The following AGBL4 variants were observed in gnomAD, a reference collection of about 807,000 sequenced individuals.
The protein encoded by AGBL4 is cytosolic carboxypeptidase 6.
AGBL4 carries 58 observed loss-of-function variants against 66.4 expected under a neutral mutation model. That is an observed-to-expected ratio of 0.87 (90% CI 0.71 to 1.09). The LOEUF is 1.09. AGBL4 is among the 50% of genes least tolerant of loss of function. AGBL4 has a pLI of 0.00. For missense variants in AGBL4, 579 were observed against 631.0 expected (o/e 0.92, Z 0.88); for synonymous variants, 234 against 222.9 (o/e 1.05, Z -0.44).
At chr1:48,861,637 C>G (rs1647484970) in intron 6 of AGBL4, among the ~76,000 whole-genome samples, 3 of 152,206 alleles carry the variant, frequency 2.0e-5, no homozygotes. Flanking sequence ...GTTGCATCCT[C>G]TATATGGGAA....
At chr1:49,286,410 G>A (rs1300020987) in intron 3 of AGBL4, among the ~76,000 whole-genome samples, 3 of 151,976 alleles carry the variant, frequency 2.0e-5, no homozygotes, top group African/African-American at 7.3e-5. Context: ...TAGGAAAAGA[G>A]GAAGTCAAAT....
intron 5 of AGBL4, among the ~76,000 whole-genome samples, chr1:48,868,776 C>T (rs1648363602): frequency 6.6e-6 from 1 of 152,170 alleles, no homozygotes; most frequent in Non-Finnish European, 1.5e-5. Flanking sequence ...ATTGTATAAA[C>T]TGCTTCTGTT....
intron 3 of AGBL4, among the ~76,000 whole-genome samples, chr1:49,471,047 A>G (rs992632321): frequency 2.0e-5 from 3 of 152,046 alleles, no homozygotes; most frequent in Non-Finnish European, 4.4e-5. Context: ...ATGCTCACCT[A>G]TAAGAAATAA....
At chr1:48,809,952 GC>G (rs1165343794) in intron 6 of AGBL4, among the ~76,000 whole-genome samples, 1 of 152,120 alleles carries the variant, frequency 6.6e-6, no homozygotes, top group African/African-American at 2.4e-5. Flanking sequence ...TGGTATAAGA[GC>G]TAACCTATGC....
At chr1:49,095,000 A>G (rs1363905801) in intron 4 of AGBL4, among the ~76,000 whole-genome samples, 1 of 152,192 alleles carries the variant, frequency 6.6e-6, no homozygotes, top group African/African-American at 2.4e-5. Context: ...AGGATACAAA[A>G]TCAATGTGCA....
intron 2 of AGBL4, among the ~76,000 whole-genome samples, chr1:49,817,327 G>T (rs760302159): frequency 6.6e-6 from 1 of 152,272 alleles, no homozygotes; most frequent in Non-Finnish European, 1.5e-5. Context: ...AGATCATGCA[G>T]ACCCAGGCAT....
At chr1:49,453,628 T>C (rs1254027645) in intron 3 of AGBL4, among the ~76,000 whole-genome samples, 1 of 151,808 alleles carries the variant, frequency 6.6e-6, no homozygotes, top group Non-Finnish European at 1.5e-5. Flanking sequence ...AGTTTGACCA[T>C]AAATGAAACA....
At chr1:49,755,185 T>C (rs1558224852) in intron 2 of AGBL4, among the ~76,000 whole-genome samples, 2 of 152,198 alleles carry the variant, frequency 1.3e-5, no homozygotes, top group African/African-American at 4.8e-5. Flanking sequence ...CCTCTAATGG[T>C]CATATTATTG....
chr1:48,607,328 A>G (rs144028281), intron 9 of AGBL4, among the ~76,000 whole-genome samples: 27 of 152,278 alleles, frequency 1.8e-4, no homozygotes, highest in African/African-American at 6.3e-4. Flanking sequence ...TAGAAAGTCT[A>G]TTGAGCAGGC....
At chr1:49,905,981 T>TAA (rs1650233177) in intron 1 of AGBL4, among the ~76,000 whole-genome samples, 2 of 152,038 alleles carry the variant, frequency 1.3e-5, no homozygotes, top group Non-Finnish European at 2.9e-5. Context: ...TTCAGAATCC[T>TAA]ACCCCCTAGG....
At chr1:49,794,399 T>G (rs1383680846) in intron 2 of AGBL4, among the ~76,000 whole-genome samples, 1 of 151,944 alleles carries the variant, frequency 6.6e-6, no homozygotes, top group African/African-American at 2.4e-5. Context: ...ACCTATGCAA[T>G]TCATTTAAAA....
chr1:49,880,687 C>A (rs1299631109), intron 1 of AGBL4, among the ~76,000 whole-genome samples: 2 of 152,172 alleles, frequency 1.3e-5, no homozygotes, highest in African/African-American at 2.4e-5. Context: ...GTGGGCTCCA[C>A]CCAGTTTGAG....
intron 3 of AGBL4, among the ~76,000 whole-genome samples, chr1:49,665,890 A>G (rs1261779478): frequency 6.6e-6 from 1 of 151,064 alleles, no homozygotes; most frequent in Non-Finnish European, 1.5e-5. Context: ...TGCCTACAGT[A>G]GTCAATAAAA....
chr1:48,528,389 C>T (rs937081643), downstream of AGBL4, among the ~76,000 whole-genome samples: 1 of 152,088 alleles, frequency 6.6e-6, no homozygotes, highest in Non-Finnish European at 1.5e-5. Context: ...CAGATTTGGA[C>T]TTAAGATTGA....
chr1:49,306,004 T>G (rs1570395394), intron 3 of AGBL4, among the ~76,000 whole-genome samples: 1 of 152,316 alleles, frequency 6.6e-6, no homozygotes, highest in Admixed American at 6.5e-5. Context: ...TTAATTATTC[T>G]TATGGCACAA....
intron 4 of AGBL4, among the ~76,000 whole-genome samples, chr1:49,058,914 T>A (rs920383504): frequency 6.6e-6 from 1 of 152,174 alleles, no homozygotes; most frequent in African/African-American, 2.4e-5. Flanking sequence ...TGATTTAGCA[T>A]ATCTGGCAGA....
At chr1:49,892,644 G>T (rs1212276626) in intron 1 of AGBL4, among the ~76,000 whole-genome samples, 2 of 151,870 alleles carry the variant, frequency 1.3e-5, no homozygotes, top group Non-Finnish European at 2.9e-5. Context: ...TCTTCATCAA[G>T]CATCACCCCC....
intron 3 of AGBL4, among the ~76,000 whole-genome samples, chr1:49,436,019 G>T (rs1645895371): frequency 6.6e-6 from 1 of 152,150 alleles, no homozygotes; most frequent in Non-Finnish European, 1.5e-5. Flanking sequence ...GTTTGTGAGA[G>T]GGTGAGATTC....
intron 3 of AGBL4, among the ~76,000 whole-genome samples, chr1:49,347,143 A>G (rs538161955): frequency 6.6e-6 from 1 of 152,140 alleles, no homozygotes; most frequent in East Asian, 1.9e-4. Context: ...TATCTTTGTT[A>G]TCTTCTATAT....
Sources: allele counts gnomAD v4.1 joint callset (sites outside exome capture counted in the v4.1 genomes callset), GRCh38; gene constraint gnomAD v4.1.1; transcripts MANE v1.5; gene names NCBI Gene and HGNC (gene_info 2026-07-23, HGNC 2026-07-21).